CC2D2A: variants seen among roughly 807,000 people sequenced by gnomAD.
CC2D2A encodes the protein coiled-coil and C2 domain-containing protein 2A.
A neutral mutation model predicts 212.9 loss-of-function variants in CC2D2A; 155 were observed. The ratio of observed to expected loss-of-function variants is 0.73; its 90% CI spans 0.64 to 0.83. CC2D2A has a LOEUF of 0.83. Among genes scored for constraint, CC2D2A ranks in the 40% least tolerant of loss-of-function variants. The probability of loss-of-function intolerance (pLI) is 0.00; values close to 1 mark genes in which losing one functional copy is unlikely to be tolerated. For synonymous variants in CC2D2A, 667 were observed against 686.5 expected, an observed-to-expected ratio of 0.97 and a Z score of 0.44; for missense variants, 1,856 against 1,956.2, an observed-to-expected ratio of 0.95 and a Z score of 0.97.
At chr4:15,585,754 G>C (rs752435151) in intron 30 of CC2D2A, among the ~76,000 whole-genome samples, 1 of 152,164 alleles carries the variant, frequency 6.6e-6, no homozygotes, top group Non-Finnish European at 1.5e-5. Context: ...TGGTTCCCAA[G>C]TACTATTGGG....
At chr4:15,537,679 C>T (rs888537696) in intron 15 of CC2D2A, among the ~76,000 whole-genome samples, 1 of 152,128 alleles carries the variant, frequency 6.6e-6, no homozygotes, top group South Asian at 2.1e-4. Context: ...TTTCAACAGT[C>T]TCATTTCAAC....
chr4:15,529,479 T>C (rs1717700959), intron 13 of CC2D2A, among the ~76,000 whole-genome samples: 1 of 152,124 alleles, frequency 6.6e-6, no homozygotes, highest in Non-Finnish European at 1.5e-5. Flanking sequence ...GTACCACAGT[T>C]AAAATGACTG....
intron 4 of CC2D2A, chr4:15,492,849 G>C (rs1715385718): frequency 1.7e-6 from 1 of 597,910 alleles, no homozygotes; most frequent in Admixed American, 1.9e-5. Flanking sequence ...CAGCATCGAA[G>C]GTGGAAGAGT....
At chr4:15,571,477 C>A (rs541336517) in intron 28 of CC2D2A, among the ~76,000 whole-genome samples, 1 of 152,220 alleles carries the variant, frequency 6.6e-6, no homozygotes, top group South Asian at 2.1e-4. Flanking sequence ...AGGGTAAATG[C>A]TGTCTGGACC....
At chr4:15,512,894 G>C (rs1178276149) in intron 8 of CC2D2A, among the ~76,000 whole-genome samples, 2 of 151,224 alleles carry the variant, frequency 1.3e-5, no homozygotes, top group African/African-American at 2.4e-5. Flanking sequence ...AGACGTTGCA[G>C]TGAGCCGAGA....
Position 15,586,198 on chromosome 4 carries a change from T to C in CC2D2A, c.4017T>C (p.Pro1339=). The C allele has an allele frequency of 6.2e-7, 1 of 1,609,736 alleles. No individual in the cohort carries two copies. The highest frequency in any genetic ancestry group is 1.7e-5 in the Admixed American group (1 of 59,660). ...ARYVSLIPFL[P]DTVSFGGICD... is the part of the protein sequence containing the mutation. ...ATGTGTCCTTGATTCCCTTCTTGCC[T>C]GACACTGTCTCATTTGGTGGTATCT... Residue 1339 remains proline, a synonymous_variant, in exon 31 of 37, where the codon CCT becomes CCC. Coordinates refer to ENST00000424120, the MANE Select transcript of CC2D2A (RefSeq NM_001378615.1).
chr4:15,569,498 T>C lies in CC2D2A; in HGVS notation c.3495+109T>C, dbSNP rs2109072895. 4 of 646,304 alleles carry C rather than the reference T, an allele frequency of 6.2e-6. No individual in the cohort carries two copies. In the South Asian group the frequency reaches 7.8e-5, roughly 13 times the overall value. 40.0% of individuals were successfully genotyped at this position (646,304 alleles called of 1,614,324 possible). ...AGAAAGGGGTCCCGATCTAGATCCT[T>C]TCTTGGATATCACACAAGAAAGAAT... On this transcript the variant is annotated intron_variant, in intron 27 of 36. Coordinates refer to ENST00000424120, the MANE Select transcript of CC2D2A (RefSeq NM_001378615.1).
chr4:15,574,297 C>G lies in CC2D2A; in HGVS notation c.3742C>G (p.Leu1248Val). ...ITLFITIEPQ[L>V]VPGESIREKF... is the part of the protein sequence containing the mutation. Reference sequence around the variant, plus strand: ...CCTCTTTATTACCATTGAGCCCCAGCTGGTTCCTGGAGAGTCCATTCGAGA... The same window carrying G: ...CCTCTTTATTACCATTGAGCCCCAGGTGGTTCCTGGAGAGTCCATTCGAGA... The change falls in exon 29 of 37, where the codon CTG becomes GTG. Residue 1248 changes from leucine (L) to valine (V), a missense_variant. Coordinates refer to ENST00000424120, the MANE Select transcript of CC2D2A (RefSeq NM_001378615.1). 6.4e-7 allele frequency: 1 copy of G among 1,551,388 alleles called. No homozygotes were observed. Among genetic ancestry groups the G allele is most frequent in the Non-Finnish European group, 8.7e-7 (1 of 1,146,762 alleles).
intron 9 of CC2D2A, 30 bp downstream of exon 9, chr4:15,514,899 C>T: frequency 6.2e-7 from 1 of 1,602,466 alleles, no homozygotes. Context: ...TCTTGTTCAG[C>T]TTAGACATCG....
chr4:15,550,793 T>C, intron 17 of CC2D2A, 31 bp from the exon 18 acceptor site: 1 of 1,515,756 alleles, frequency 6.6e-7, no homozygotes, highest in Non-Finnish European at 9.0e-7. Flanking sequence ...ACTGCTGTTT[T>C]TATTGGCTAT....
intron 17 of CC2D2A, among the ~76,000 whole-genome samples, chr4:15,541,423 A>G (rs529586914): frequency 6.6e-6 from 1 of 152,250 alleles, no homozygotes; most frequent in African/African-American, 2.4e-5. Context: ...TTGGTTATAA[A>G]TATGTCTCGA....
At chr4:15,522,634 C>G (rs1416725684) in intron 11 of CC2D2A, among the ~76,000 whole-genome samples, 2 of 150,548 alleles carry the variant, frequency 1.3e-5, no homozygotes, top group Non-Finnish European at 1.5e-5. Flanking sequence ...CAGAAAAATG[C>G]AAAAAGGAAT....
At chr4:15,489,774 C>G (rs553192836) in intron 4 of CC2D2A, among the ~76,000 whole-genome samples, 1 of 152,138 alleles carries the variant, frequency 6.6e-6, no homozygotes, top group Non-Finnish European at 1.5e-5. Flanking sequence ...AGTTCTTAGT[C>G]TTTATCTTAC....
intron 4 of CC2D2A, among the ~76,000 whole-genome samples, chr4:15,500,075 TTGTG>T (rs753590658): frequency 0.011 from 1,327 of 124,360 alleles, 37 homozygotes; most frequent in African/African-American, 0.038. Flanking sequence ...CAAACCTAGA[TTGTG>T]TGTGTGTGTG....
intron 4 of CC2D2A, among the ~76,000 whole-genome samples, chr4:15,490,763 C>A (rs1051070091): frequency 6.6e-6 from 1 of 152,054 alleles, no homozygotes; most frequent in Non-Finnish European, 1.5e-5. Context: ...GAAATGAAAA[C>A]CACAAGCAGA....
Position 15,515,853 on chromosome 4 carries a change from T to G in CC2D2A, c.881-15T>G, listed in dbSNP as rs931192060. ...TGGCCCTAATGTTTATTTTATTTAT[T>G]TATAAACGATCTAGTCCCTACATAT... On this transcript the variant is annotated splice_polypyrimidine_tract_variant and intron_variant, in intron 9 of 36. Transcript: ENST00000424120. The G allele has an allele frequency of 1.2e-5, 19 of 1,547,922 alleles. No homozygotes were observed. The highest frequency in any genetic ancestry group is 1.6e-5 in the Non-Finnish European group (18 of 1,145,030).
intron 4 of CC2D2A, among the ~76,000 whole-genome samples, chr4:15,495,421 C>T (rs1715564393): frequency 6.6e-6 from 1 of 152,144 alleles, no homozygotes. Flanking sequence ...TATTGTTTCC[C>T]TCTTTTTGTC....
intron 6 of CC2D2A, among the ~76,000 whole-genome samples, chr4:15,505,339 C>T (rs1028060065): frequency 6.6e-6 from 1 of 152,194 alleles, no homozygotes. Flanking sequence ...AGAAGTAACA[C>T]AGAACCTTGA....
chr4:15,513,907 T>C (rs932392234), intron 8 of CC2D2A, among the ~76,000 whole-genome samples: 3 of 152,222 alleles, frequency 2.0e-5, no homozygotes, highest in Admixed American at 2.0e-4. Context: ...GGCAGGTAGC[T>C]AGACTGCCAT....
Sources: gnomAD v4.1 joint callset for allele counts (sites outside exome capture counted in the v4.1 genomes callset) on GRCh38, gnomAD v4.1.1 for gene constraint, MANE v1.5 for transcripts, NCBI Gene and HGNC (gene_info 2026-07-23, HGNC 2026-07-21) for gene names.